The following TATDN2 variants were observed in gnomAD, a reference collection of about 807,000 sequenced individuals.
TATDN2 encodes the protein 3'-5' RNA nuclease TATDN2.
TATDN2 carries 44 observed loss-of-function variants against 60.3 expected under a neutral mutation model. That is an observed-to-expected ratio of 0.73 (90% confidence interval 0.57 to 0.94). The LOEUF (loss-of-function observed/expected upper bound fraction) is 0.94, where lower values mean the gene tolerates loss of function less well. Among genes scored for constraint, TATDN2 ranks in the 40% least tolerant of loss-of-function variants. TATDN2 has a pLI of 0.00. For missense variants in TATDN2, 997 were observed against 948.0 expected (o/e 1.05, Z -0.68); for synonymous variants, 399 against 355.8 (o/e 1.12, Z -1.37).
intron 2 of TATDN2, among the ~76,000 whole-genome samples, chr3:10,249,989 A>G (rs183245393): frequency 6.6e-6 from 1 of 152,302 alleles, no homozygotes; most frequent in East Asian, 1.9e-4. Flanking sequence ...TCACTGCAGT[A>G]GAAGGTGGAT....
rs141030272 is a variant in TATDN2, at chr3:10,260,447, C to T, written c.725C>T (p.Thr242Ile). Residue 242 changes from threonine to isoleucine, a missense_variant, in exon 3 of 8, where the codon ACA becomes ATA. By Grantham distance (89) the Thr-to-Ile change is moderately conservative. Transcript: ENST00000448281. ...KTAEGAARSV[T>I]VTAAQKEKDA... ...GCAGAAGGAGCAGCCAGGAGTGTCA[C>T]AGTCACTGCTGCTCAGAAGGAGAAA... 10 of 1,614,134 alleles carry T rather than the reference C, an allele frequency of 6.2e-6. No individual in the cohort carries two copies. In the East Asian group the frequency reaches 2.2e-4, roughly 36 times the overall value.
At position 10,270,222 on chromosome 3, in the gene TATDN2, A is replaced by G; in HGVS notation, c.1040A>G (p.Glu347Gly). The G allele has an allele frequency of 6.2e-7, 1 of 1,614,170 alleles. No individual in the cohort carries two copies. The highest frequency in any genetic ancestry group is 8.5e-7 in the Non-Finnish European group (1 of 1,180,022). The change falls in exon 4 of 8, where the codon GAG (glutamate) becomes GGG (glycine). Residue 347 changes from glutamate to glycine, a missense_variant. Coordinates refer to ENST00000448281, the MANE Select transcript of TATDN2 (RefSeq NM_014760.4). ...ATCTCCACAGTCAGATTCTCTCAGGAGGAACCTGTCTCCCTGAAACCTTCA... is the reference window on the plus strand; with the variant it reads ...ATCTCCACAGTCAGATTCTCTCAGGGGGAACCTGTCTCCCTGAAACCTTCA... ...EEISTVRFSQ[E>G]EPVSLKPSAV...
At chr3:10,256,926 A>G (rs958992702) in intron 2 of TATDN2, among the ~76,000 whole-genome samples, 2 of 151,764 alleles carry the variant, frequency 1.3e-5, no homozygotes, top group Non-Finnish European at 2.9e-5. Flanking sequence ...CAGGCAGAAG[A>G]GGGCACTAGA....
intron 4 of TATDN2, among the ~76,000 whole-genome samples, chr3:10,275,371 G>T (rs1462147024): frequency 2.0e-5 from 3 of 152,206 alleles, no homozygotes; most frequent in African/African-American, 7.2e-5. Context: ...CAATAGTGAA[G>T]ATTTAAAAGT....
chr3:10,265,606 T>G (rs942161010), intron 3 of TATDN2, among the ~76,000 whole-genome samples: 2 of 141,442 alleles, frequency 1.4e-5, no homozygotes, highest in Admixed American at 1.6e-4. Context: ...GGCGTGAACC[T>G]GAGAGGTGGA....
At position 10,248,979 on chromosome 3, in the gene TATDN2, C is replaced by A. The variant is rs937029879; in HGVS notation, c.-95C>A. On this transcript the variant is annotated 5_prime_UTR_variant, in exon 1 of 8. Coordinates refer to ENST00000448281, the MANE Select transcript of TATDN2 (RefSeq NM_014760.4). The stretch of plus-strand genomic sequence containing the variant: ...TTGGAAACCGACGGCAGCCTTTAGT[C>A]AATTTTGGATCGCTTTGACTTCTCC... 9 of 461,106 alleles carry A rather than the reference C, an allele frequency of 2.0e-5. No individual in the cohort carries two copies. Among genetic ancestry groups the A allele is most frequent in the Admixed American group, 4.2e-5 (1 of 23,836 alleles). 28.6% of individuals were successfully genotyped at this position (461,106 alleles called of 1,614,324 possible).
intron 2 of TATDN2, among the ~76,000 whole-genome samples, chr3:10,253,601 C>T (rs1251528512): frequency 1.3e-5 from 2 of 152,262 alleles, no homozygotes; most frequent in Admixed American, 6.5e-5. Context: ...ATCTAAATGT[C>T]TACATTCAAT....
At position 10,279,009 on chromosome 3, in the gene TATDN2, G is replaced by A. The variant is rs150531495; in HGVS notation, c.2270G>A (p.Arg757His). Residue 757 changes from arginine to histidine, a missense_variant, in exon 7 of 8, where the codon CGC becomes CAC. Physicochemically the swap from Arg to His is conservative, Grantham distance 29. Transcript: ENST00000448281. ...TLAALRENTSRLYSL is the reference protein window; with the variant it reads ...TLAALRENTSHLYSL ...GCTGCCTTGCGTGAGAACACCAGTC[G>A]CCTCTACAGTCTTTAAGCAGAGAAG... The A allele has an allele frequency of 1.3e-5, 21 of 1,614,212 alleles. No homozygotes were observed. Among genetic ancestry groups the A allele is most frequent in the East Asian group, 1.1e-4 (5 of 44,888 alleles).
In TATDN2 at chr3:10,249,276, C is replaced by G. The variant is rs775955627; in HGVS notation, c.76C>G (p.Leu26Val). The change falls in exon 2 of 8, where the codon CTC becomes GTC. Residue 26 changes from leucine (L) to valine (V), a missense_variant. Physicochemically the swap from Leu to Val is conservative, Grantham distance 32. Transcript: ENST00000448281. Reference sequence around the variant, plus strand: ...AGGGTGTCCCCGCAAGCGCAGCTGCCTCCGGGAGCCCTGTGATGTGGCCCC... The same window carrying G: ...AGGGTGTCCCCGCAAGCGCAGCTGCGTCCGGGAGCCCTGTGATGTGGCCCC... ...SEGCPRKRSC[L>V]REPCDVAPSS... 2 of 1,588,994 alleles carry G rather than the reference C, an allele frequency of 1.3e-6. No individual in the cohort carries two copies. Among genetic ancestry groups the G allele is most frequent in the East Asian group, 2.3e-5 (1 of 44,390 alleles).
At chr3:10,258,247 C>T (rs550977673) in intron 2 of TATDN2, among the ~76,000 whole-genome samples, 1 of 151,680 alleles carries the variant, frequency 6.6e-6, no homozygotes, top group Admixed American at 6.6e-5. Flanking sequence ...TCAAATGATA[C>T]AAGAAGCTTA....
In TATDN2 at chr3:10,279,666, C is replaced by T. The variant is rs376615821; in HGVS notation, c.*484C>T. On this transcript the variant is annotated 3_prime_UTR_variant, in exon 8 of 8. Coordinates refer to ENST00000448281, the MANE Select transcript of TATDN2 (RefSeq NM_014760.4). ...CTTTTTGGGGGAAATTAACTGGACA[C>T]CTATCTCGGAGGTTTATTTTCTTGC... is the stretch of plus-strand genomic sequence containing the variant. 1.2e-4 allele frequency: 18 copies of T among 152,084 alleles called. No individual in the cohort carries two copies. The highest frequency in any genetic ancestry group is 2.9e-4 in the African/African-American group (12 of 41,382). The allele number at this position is 152,084 out of a possible 1,614,324, so 9.4% of individuals were successfully genotyped here. A position where few individuals can be genotyped will look rare whatever the true frequency, so the allele number is the denominator to read the frequency against.
chr3:10,265,954 T>G (rs909082356), intron 3 of TATDN2, among the ~76,000 whole-genome samples: 1 of 152,160 alleles, frequency 6.6e-6, no homozygotes, highest in Non-Finnish European at 1.5e-5. Context: ...TCCTGAGTCT[T>G]TCTGGGGTCC....
At chr3:10,258,939 G>A (rs73123861) in intron 2 of TATDN2, among the ~76,000 whole-genome samples, 7,437 of 151,990 alleles carry the variant, frequency 0.049, 610 homozygotes, top group African/African-American at 0.17. Context: ...GTGCCGTCAC[G>A]GCTCACTGAA....
chr3:10,270,481 C>T lies in TATDN2; in HGVS notation c.1299C>T (p.Asp433=). Reference sequence around the variant, plus strand: ...GGAGTGTCCAAAACACCTCCAGAGACATGGAGGCCTCAGAGGAAGGCTGGT... The same window carrying T: ...GGAGTGTCCAAAACACCTCCAGAGATATGGAGGCCTCAGAGGAAGGCTGGT... ...STGSVQNTSR[D]MEASEEGWSQ... is the part of the protein sequence containing the mutation. Residue 433 remains aspartate (D), a synonymous_variant, in exon 4 of 8, where the codon GAC becomes GAT. Coordinates refer to ENST00000448281, the MANE Select transcript of TATDN2 (RefSeq NM_014760.4). 5 of 1,614,210 alleles carry T rather than the reference C, an allele frequency of 3.1e-6. No individual in the cohort carries two copies. Among genetic ancestry groups the T allele is most frequent in the Non-Finnish European group, 3.4e-6 (4 of 1,180,026 alleles).
intron 2 of TATDN2, 123 bp from the exon 3 acceptor site, chr3:10,260,014 G>T (rs1698375376): frequency 1.7e-6 from 2 of 1,168,296 alleles, no homozygotes; most frequent in South Asian, 3.2e-5. Context: ...GAGAACCTTT[G>T]CCTTAGCCAC....
chr3:10,273,260 C>T (rs1310727047), intron 4 of TATDN2, among the ~76,000 whole-genome samples: 1 of 152,126 alleles, frequency 6.6e-6, no homozygotes, highest in Non-Finnish European at 1.5e-5. Flanking sequence ...TATTTGTCAA[C>T]ACCAGAGACT....
Position 10,260,628 on chromosome 3 carries a change from A to T in TATDN2, c.906A>T (p.Leu302=). The T allele has an allele frequency of 6.2e-7, 1 of 1,614,156 alleles. No individual in the cohort carries two copies. Among genetic ancestry groups the T allele is most frequent in the Non-Finnish European group, 8.5e-7 (1 of 1,180,018 alleles). Residue 302 remains leucine, a synonymous_variant, in exon 3 of 8, where the codon CTA becomes CTT. Transcript: ENST00000448281. ...RTVIDKCSPP[L]EFLDDSDSHL... is the part of the protein sequence containing the mutation. ...TCATTGACAAATGCTCTCCACCCCT[A>T]GAGTTCTTGGATGACTCTGACTCTC...
At chr3:10,261,196 G>A (rs749404524) in intron 3 of TATDN2, among the ~76,000 whole-genome samples, 3 of 152,194 alleles carry the variant, frequency 2.0e-5, no homozygotes, top group Non-Finnish European at 4.4e-5. Flanking sequence ...GTTGACAAGA[G>A]CGGGGAAACC....
At position 10,270,125 on chromosome 3, in the gene TATDN2, C is replaced by G. The variant is rs995241032; in HGVS notation, c.949-6C>G. 1.2e-5 allele frequency: 19 copies of G among 1,604,642 alleles called. No homozygotes were observed. The highest frequency in any genetic ancestry group is 1.4e-5 in the Non-Finnish European group (17 of 1,175,758). On this transcript the variant is annotated splice_region_variant and splice_polypyrimidine_tract_variant and intron_variant, in intron 3 of 7. Transcript: ENST00000448281. ...AACCCACTGTTGTATGCCTTCTTTT[C>G]TGCAGCATAAAGATAGGGAGGTGGT... is the stretch of plus-strand genomic sequence containing the variant.
Sources: gnomAD v4.1 joint callset for allele counts (sites outside exome capture counted in the v4.1 genomes callset) on GRCh38, gnomAD v4.1.1 for gene constraint, MANE v1.5 for transcripts, NCBI Gene and HGNC (gene_info 2026-07-23, HGNC 2026-07-21) for gene names.